SLC25A22: variants seen among roughly 807,000 people sequenced by gnomAD.
SLC25A22 encodes the protein solute carrier family 25 member 22, also known as mitochondrial glutamate carrier 1.
Under a neutral mutation model 33.7 loss-of-function variants are expected in SLC25A22, and 23 were observed. The ratio of observed to expected loss-of-function variants is 0.68; its 90% CI spans 0.49 to 0.97. The LOEUF (loss-of-function observed/expected upper bound fraction) is 0.97, where lower values mean the gene tolerates loss of function less well. Among genes scored for constraint, SLC25A22 ranks in the 50% least tolerant of loss-of-function variants. The pLI, the probability that SLC25A22 is intolerant of heterozygous loss-of-function variation, is 0.00. For synonymous variants in SLC25A22, 245 were observed against 203.8 expected, an observed-to-expected ratio of 1.20 and a Z score of -1.72; for missense variants, 390 against 451.1, an observed-to-expected ratio of 0.86 and a Z score of 1.23.
At position 792,875 on chromosome 11, in the gene SLC25A22, C is replaced by A. The variant is rs1248128712; in HGVS notation, c.407G>T (p.Arg136Leu). ...MLKIQLQDAGRIAAQRKILAA... is the reference protein window; with the variant it reads ...MLKIQLQDAGLIAAQRKILAA... ...CCCCCTCCCCCCGCCCTCACCAATG[C>A]GCCCTGCATCCTGCAGCTGGATCTT... The change falls in exon 6 of 10, where the codon CGC becomes CTC. Residue 136 changes from arginine (R) to leucine (L), a missense_variant. Arg to Leu is a moderately radical substitution (Grantham distance 102). Coordinates refer to ENST00000628067, the MANE Select transcript of SLC25A22 (RefSeq NM_001191061.2). 4.4e-6 allele frequency: 6 copies of A among 1,366,854 alleles called. No individual in the cohort carries two copies. The highest frequency in any genetic ancestry group is 4.9e-6 in the Non-Finnish European group (5 of 1,011,220). 84.7% of individuals were successfully genotyped at this position (1,366,854 alleles called of 1,614,324 possible).
Position 791,755 on chromosome 11 carries a change from C to A in SLC25A22, c.*160G>T. The A allele has an allele frequency of 1.0e-6, 1 of 961,380 alleles. No individual in the cohort carries two copies. Among genetic ancestry groups the A allele is most frequent in the Admixed American group, 2.9e-5 (1 of 34,564 alleles). 59.6% of individuals were successfully genotyped at this position (961,380 alleles called of 1,614,324 possible). ...TGCAGGCAGCACCCCGGGGGGCTTG[C>A]GTGTGCACCACCTATGTGGACCCTG... is the stretch of plus-strand genomic sequence containing the variant. On this transcript the variant is annotated 3_prime_UTR_variant, in exon 10 of 10. Coordinates refer to ENST00000628067, the MANE Select transcript of SLC25A22 (RefSeq NM_001191061.2).
At chr11:797,783 T>G in intron 1 of SLC25A22, 1 of 398,556 alleles carries the variant, frequency 2.5e-6, no homozygotes, top group Non-Finnish European at 4.4e-6. Flanking sequence ...GAGAAGCGGG[T>G]TGGGGGCCGC....
rs755769739 is a variant in SLC25A22 at position 794,518 on chromosome 11, G to A, written c.147-5C>T. The A allele has an allele frequency of 9.3e-6, 15 of 1,612,170 alleles. No homozygotes were observed. The highest frequency in any genetic ancestry group is 1.3e-5 in the Non-Finnish European group (15 of 1,179,634). On this transcript the variant is annotated splice_region_variant and splice_polypyrimidine_tract_variant and intron_variant, in intron 3 of 9. Transcript: ENST00000628067. ...GTCTTGATGAGGCAGTCGGACCTGT[G>A]GCCAAGGGGACAGGGTGAGCCAGGG...
rs2133712970 is a variant in SLC25A22 at position 794,783 on chromosome 11, T to C, written c.139A>G (p.Thr47Ala). Residue 47 changes from threonine to alanine, a missense_variant, in exon 3 of 10, where the codon ACG becomes GCG. Physicochemically the swap from Thr to Ala is moderately conservative, Grantham distance 58. Coordinates refer to ENST00000628067, the MANE Select transcript of SLC25A22 (RefSeq NM_001191061.2). The stretch of plus-strand genomic sequence containing the variant: ...ACCGCCCGGCACACTCACATGCTCG[T>C]GTACACGCGCTGGCCGTTCTGCTGG... ...QNQQNGQRVYTSMSDCLIKTV... is the reference protein window; with the variant it reads ...QNQQNGQRVYASMSDCLIKTV... 3.1e-6 allele frequency: 5 copies of C among 1,599,074 alleles called. No individual in the cohort carries two copies. Among genetic ancestry groups the C allele is most frequent in the Non-Finnish European group, 4.3e-6 (5 of 1,174,462 alleles).
In SLC25A22 at chr11:792,853, C is replaced by T. The variant is rs929871203; in HGVS notation, c.412+17G>A. On this transcript the variant is annotated intron_variant, in intron 6 of 9. Transcript: ENST00000628067. ...TCCCGCACCTCTGCCCTCTCCTCCCCCTCCCCCCGCCCTCACCAATGCGCC... is the reference window on the plus strand; with the variant it reads ...TCCCGCACCTCTGCCCTCTCCTCCCTCTCCCCCCGCCCTCACCAATGCGCC... The T allele has an allele frequency of 8.5e-7, 1 of 1,177,024 alleles. No individual in the cohort carries two copies. Among genetic ancestry groups the T allele is most frequent in the Non-Finnish European group, 1.3e-6 (1 of 790,652 alleles). The allele number at this position is 1,177,024 out of a possible 1,614,324, so 72.9% of individuals were successfully genotyped here.
intron 4 of SLC25A22, chr11:794,068 G>A: frequency 2.0e-6 from 1 of 508,916 alleles, no homozygotes; most frequent in Non-Finnish European, 3.7e-6. Flanking sequence ...CAGGGCTGGA[G>A]AGCTTCTGCC....
At chr11:795,209 C>T in intron 1 of SLC25A22, 40 bp from the exon 2 acceptor site, 1 of 702,494 alleles carries the variant, frequency 1.4e-6, no homozygotes, top group Non-Finnish European at 2.5e-6. Context: ...AGGGTGGGGC[C>T]ACCCGAAGAG....
chr11:794,251 T>G (rs901183763), intron 4 of SLC25A22: 27 of 715,134 alleles, frequency 3.8e-5, no homozygotes, highest in Non-Finnish European at 5.3e-5. Context: ...TAAGTGGGGG[T>G]GGGGAGCTGC....
Position 794,894 on chromosome 11 carries a change from C to A in SLC25A22, c.28G>T (p.Ala10Ser), listed in dbSNP as rs772873151. Residue 10 changes from alanine to serine, a missense_variant, in exon 3 of 10, where the codon GCC (alanine) becomes TCC (serine). Ala to Ser is a moderately conservative substitution (Grantham distance 99, BLOSUM62 1). Transcript: ENST00000628067. ...GCGATGCCGCCATTGATGAGCTTGG[C>A]TGGCAGGCTGTGTGGACAGGGGTGT... is the stretch of plus-strand genomic sequence containing the variant. The part of the protein sequence containing the change: MADKQISLP[A>S]KLINGGIAGL... 15 of 1,565,260 alleles carry A rather than the reference C, an allele frequency of 9.6e-6. No individual in the cohort carries two copies. Among genetic ancestry groups the A allele is most frequent in the Non-Finnish European group, 8.7e-6 (10 of 1,154,872 alleles).
chr11:792,107 G>T, intron 9 of SLC25A22, 35 bp downstream of exon 9: 1 of 1,604,830 alleles, frequency 6.2e-7, no homozygotes, highest in Non-Finnish European at 8.5e-7. Context: ...CGGTACGCAG[G>T]CCCCCAGGCC....
chr11:792,831 C>T (rs370410648), intron 6 of SLC25A22, 39 bp downstream of exon 6: 97 of 1,584,792 alleles, frequency 6.1e-5, no homozygotes, highest in African/African-American at 4.7e-4. Context: ...CACCTCTTCC[C>T]GCACCTCTGC....
intron 1 of SLC25A22, among the ~76,000 whole-genome samples, chr11:795,857 GCCCCCT>G (rs1864798752): frequency 6.6e-6 from 1 of 152,018 alleles, no homozygotes; most frequent in Admixed American, 6.5e-5. Flanking sequence ...GCCTTCTGAG[GCCCCCT>G]GTGGCTGGCA....
intron 1 of SLC25A22, chr11:797,624 C>A: frequency 2.5e-6 from 1 of 398,676 alleles, no homozygotes; most frequent in Middle Eastern, 6.3e-4. Flanking sequence ...CCAAGAAAGG[C>A]AATGGGGGTG....
rs917123935 is a variant in SLC25A22 at position 797,955 on chromosome 11, G to A, written c.-164+262C>T. The A allele has an allele frequency of 9.3e-5, 37 of 398,236 alleles. No homozygotes were observed. In the East Asian group the frequency reaches 1.2e-3, roughly 13 times the overall value. The allele number at this position is 398,236 out of a possible 1,614,324, so 24.7% of individuals were successfully genotyped here. On this transcript the variant is annotated intron_variant, in intron 1 of 9. Transcript: ENST00000628067. ...CCACACGGGTCGGCCTTTCTTCCTT[G>A]GGCTCGGGCCCCGGACACCCACCCT...
intron 3 of SLC25A22, 61 bp downstream of exon 3, chr11:794,714 GC>G: frequency 1.9e-6 from 3 of 1,569,024 alleles, no homozygotes; most frequent in Non-Finnish European, 1.7e-6. Flanking sequence ...CAGGAGCAGA[GC>G]CCCCACCTCT....
Position 792,641 on chromosome 11 carries a change from G to A in SLC25A22, c.499C>T (p.Arg167Trp), listed in dbSNP as rs1195463603. The A allele has an allele frequency of 1.1e-5, 17 of 1,586,106 alleles. No homozygotes were observed. The highest frequency in any genetic ancestry group is 1.0e-4 in the South Asian group (9 of 88,772). Residue 167 changes from arginine (R) to tryptophan (W), a missense_variant, in exon 7 of 10, where the codon CGG becomes TGG. By Grantham distance (101) the Arg-to-Trp change is moderately radical. Coordinates refer to ENST00000628067, the MANE Select transcript of SLC25A22 (RefSeq NM_001191061.2). ...CGGGTCAGCTGGGTGGCCGTGGGCC[G>A]AGGGGCAGCTGGAGCCTCCACTGAG... ...QPSVEAPAAP[R>W]PTATQLTRDL...
chr11:794,984 G>A lies in SLC25A22; in HGVS notation c.20+3C>T. 6.4e-7 allele frequency: 1 copy of A among 1,559,724 alleles called. No homozygotes were observed. ...AGGCACGCAGCCAGGACTGGAGTCT[G>A]ACCTGATCTGCTTATCAGCCATTTA... On this transcript the variant is annotated splice_donor_region_variant and intron_variant, in intron 2 of 9. Transcript: ENST00000628067.
chr11:797,306 A>AG (rs1864876484), intron 1 of SLC25A22, among the ~76,000 whole-genome samples: 1 of 152,158 alleles, frequency 6.6e-6, no homozygotes, highest in Admixed American at 6.5e-5. Flanking sequence ...AAGAACCGGC[A>AG]GGGGTTCCCT....
In SLC25A22 at chr11:791,597, C is replaced by T. The variant is rs780210144; in HGVS notation, c.*318G>A. The T allele has an allele frequency of 1.2e-4, 51 of 438,744 alleles. No homozygotes were observed. The highest frequency in any genetic ancestry group is 1.7e-4 in the Non-Finnish European group (40 of 239,960). The allele number at this position is 438,744 out of a possible 1,614,324, so 27.2% of individuals were successfully genotyped here. ...TGGTCCAGCCTGCCCGGCCCAGGCC[C>T]GGGGGCCCCCAGCCCAGAGACCAGC... is the stretch of plus-strand genomic sequence containing the variant. On this transcript the variant is annotated 3_prime_UTR_variant, in exon 10 of 10. Coordinates refer to ENST00000628067, the MANE Select transcript of SLC25A22 (RefSeq NM_001191061.2).
Sources: gnomAD v4.1 joint callset for allele counts (sites outside exome capture counted in the v4.1 genomes callset) on GRCh38, gnomAD v4.1.1 for gene constraint, MANE v1.5 for transcripts, NCBI Gene and HGNC (gene_info 2026-07-23, HGNC 2026-07-21) for gene names.